MASP1: variants seen among roughly 807,000 people sequenced by gnomAD.
MASP1 encodes MBL associated serine protease 1, also known as mannan-binding lectin serine protease 1.
A neutral mutation model predicts 77.1 loss-of-function variants in MASP1; 59 were observed. That is an observed-to-expected ratio of 0.77 (90% CI 0.62 to 0.95). The LOEUF (loss-of-function observed/expected upper bound fraction) is 0.95. Ranked by LOEUF, MASP1 falls within the 40% of genes least tolerant of loss-of-function variation. The probability of loss-of-function intolerance (pLI) is 0.00; values close to 1 mark genes in which losing one functional copy is unlikely to be tolerated. For missense variants in MASP1, 885 were observed against 912.9 expected, an observed-to-expected ratio of 0.97 and a Z score of 0.39; for synonymous variants, 362 against 354.5, an observed-to-expected ratio of 1.02 and a Z score of -0.24.
At chr3:187,218,365 G>A (rs940428622) in exon 16 of MASP1, 1 of 152,594 alleles carries the variant, frequency 6.6e-6, no homozygotes, top group Non-Finnish European at 1.5e-5. Context: ...GGAAGATATG[G>A]TGTCTTGGGA....
intron 2 of MASP1, among the ~76,000 whole-genome samples, chr3:187,269,599 T>C (rs1229484562): frequency 2.0e-5 from 3 of 152,140 alleles, no homozygotes; most frequent in Non-Finnish European, 2.9e-5. Flanking sequence ...GGGGATCCAC[T>C]CTCACCCCTC....
At chr3:187,259,898 G>T (rs757883345) in intron 4 of MASP1, among the ~76,000 whole-genome samples, 1 of 152,156 alleles carries the variant, frequency 6.6e-6, no homozygotes, top group African/African-American at 2.4e-5. Context: ...ACTGTTCCCT[G>T]AAACATTCCA....
At chr3:187,221,512 C>T (rs532316420) in intron 14 of MASP1, among the ~76,000 whole-genome samples, 2 of 152,192 alleles carry the variant, frequency 1.3e-5, no homozygotes, top group Non-Finnish European at 2.9e-5. Context: ...ACTGTAGGAC[C>T]TAGAACATGT....
chr3:187,243,511 A>G lies in MASP1; in HGVS notation c.1201T>C (p.Tyr401His). The change falls in exon 9 of 11, where the codon TAT becomes CAT. Residue 401 changes from tyrosine to histidine, a missense_variant. Physicochemically the swap from Tyr to His is moderately conservative, Grantham distance 83. Transcript: ENST00000296280. ...SEIKYSCQEPYYKMLNNNTGI... is the reference protein window; with the variant it reads ...SEIKYSCQEPHYKMLNNNTGI... The stretch of plus-strand genomic sequence containing the variant: ...GTGTTATTGTTGAGCATCTTGTAAT[A>G]GGGCTCCTGACAGGAGTATTTGATC... 2 of 1,614,070 alleles carry G rather than the reference A, an allele frequency of 1.2e-6. No homozygotes were observed. Among genetic ancestry groups the G allele is most frequent in the Non-Finnish European group, 8.5e-7 (1 of 1,179,940 alleles).
chr3:187,217,938 G>A (rs1711851892), exon 16 of MASP1: 1 of 152,184 alleles, frequency 6.6e-6, no homozygotes, highest in Non-Finnish European at 1.5e-5. Flanking sequence ...TCTTTTTGGT[G>A]TTGGTTCTGA....
At chr3:187,229,977 C>T (rs765098103), downstream of MASP1, 23 of 1,544,168 alleles carry the variant, frequency 1.5e-5, no homozygotes, top group Non-Finnish European at 2.0e-5. Flanking sequence ...CAGCTCCTCA[C>T]CCTGTTAGGA....
At chr3:187,287,791 C>T (rs954883504) in intron 1 of MASP1, among the ~76,000 whole-genome samples, 1 of 152,178 alleles carries the variant, frequency 6.6e-6, no homozygotes, top group Admixed American at 6.5e-5. Flanking sequence ...GATATATTTG[C>T]TAATCAGGAC....
intron 1 of MASP1, 66 bp from the exon 2 acceptor site, chr3:187,286,122 A>G: frequency 1.6e-6 from 2 of 1,283,418 alleles, no homozygotes. Context: ...CATCTCAATC[A>G]CAGCCAGGAG....
chr3:187,228,833 T>C (rs1394934978), intron 11 of MASP1, among the ~76,000 whole-genome samples: 1 of 152,200 alleles, frequency 6.6e-6, no homozygotes, highest in African/African-American at 2.4e-5. Context: ...TAAGGATAAA[T>C]TCCTTGCAGA....
intron 2 of MASP1, among the ~76,000 whole-genome samples, chr3:187,277,594 C>A (rs1348470759): frequency 6.6e-6 from 1 of 152,038 alleles, no homozygotes; most frequent in African/African-American, 2.4e-5. Flanking sequence ...ACAACAGGAC[C>A]CCTTCCACAG....
chr3:187,270,474 CT>C (rs774270890), intron 2 of MASP1, among the ~76,000 whole-genome samples: 1 of 152,134 alleles, frequency 6.6e-6, no homozygotes, highest in Non-Finnish European at 1.5e-5. Flanking sequence ...CCTCTTACCC[CT>C]GATGTTTCCC....
chr3:187,226,995 C>T (rs545906603), intron 11 of MASP1, among the ~76,000 whole-genome samples: 1 of 152,328 alleles, frequency 6.6e-6, no homozygotes, highest in East Asian at 1.9e-4. Context: ...TAACAAGACT[C>T]TCCAGTAATT....
At chr3:187,225,408 C>T (rs571403020) in exon 13 of MASP1, 25 of 1,614,188 alleles carry the variant, frequency 1.5e-5, no homozygotes, top group East Asian at 4.5e-5. Flanking sequence ...ACCAGAGCCA[C>T]GTCATTCTCG....
intron 2 of MASP1, among the ~76,000 whole-genome samples, chr3:187,267,446 T>C (rs900538304): frequency 2.0e-5 from 3 of 152,222 alleles, no homozygotes; most frequent in Admixed American, 6.5e-5. Flanking sequence ...TTTCCCTGTA[T>C]AGTTCTAGAT....
chr3:187,272,746 A>G (rs1716628035), intron 2 of MASP1, among the ~76,000 whole-genome samples: 1 of 152,178 alleles, frequency 6.6e-6, no homozygotes, highest in African/African-American at 2.4e-5. Context: ...CCTCAGAAGG[A>G]GCATGGTCCT....
chr3:187,283,266 C>T lies in MASP1; in HGVS notation c.237+2559G>A, dbSNP rs150682124. ...TTTGGATAGAAATCTATTCCAGTGT[C>T]TTTAATTCAGTGTTAGAAGAGGTCT... On this transcript the variant is annotated intron_variant, in intron 2 of 10. Transcript: ENST00000296280. Among the ~76,000 whole-genome samples, 16 of 152,350 alleles carry T rather than the reference C, an allele frequency of 1.1e-4. No homozygotes were observed. The East Asian group carries it at 2.9e-3, about 28-fold the overall frequency.
intron 1 of MASP1, 156 bp downstream of exon 1, chr3:187,291,472 G>A: frequency 1.6e-5 from 16 of 1,000,936 alleles, no homozygotes; most frequent in Non-Finnish European, 2.0e-5. Context: ...CCCACCCACA[G>A]CTCCCTTCTC....
downstream of MASP1, among the ~76,000 whole-genome samples, chr3:187,229,391 C>G (rs930693634): frequency 6.6e-6 from 1 of 152,172 alleles, no homozygotes; most frequent in African/African-American, 2.4e-5. Flanking sequence ...CCAGAGCATA[C>G]TTATCAACCT....
At chr3:187,238,023 T>G (rs1190999414) in intron 10 of MASP1, among the ~76,000 whole-genome samples, 1 of 152,214 alleles carries the variant, frequency 6.6e-6, no homozygotes, top group Admixed American at 6.5e-5. Flanking sequence ...GGCCTGGCCT[T>G]TCAAAGTTGA....
Sources: allele counts gnomAD v4.1 joint callset (sites outside exome capture counted in the v4.1 genomes callset), GRCh38; gene constraint gnomAD v4.1.1; transcripts MANE v1.5; gene names NCBI Gene and HGNC (gene_info 2026-07-23, HGNC 2026-07-21).